The following CDKL3 variants were observed in gnomAD, a reference collection of about 807,000 sequenced individuals.
CDKL3 encodes cyclin dependent kinase like 3.
A neutral mutation model predicts 69.3 loss-of-function variants in CDKL3; 65 were observed. That is an observed-to-expected ratio of 0.94 (90% CI 0.77 to 1.15). The LOEUF is 1.15. CDKL3 is among the 50% of genes most tolerant of loss of function. The probability of loss-of-function intolerance (pLI) is 0.00; values close to 1 mark genes in which losing one functional copy is unlikely to be tolerated. For missense variants in CDKL3, 652 were observed against 689.2 expected (o/e 0.95, Z 0.61); for synonymous variants, 202 against 221.6 (o/e 0.91, Z 0.79).
intron 4 of CDKL3, among the ~76,000 whole-genome samples, chr5:134,342,615 A>G (rs1270564957): frequency 1.3e-5 from 2 of 152,078 alleles, no homozygotes; most frequent in Non-Finnish European, 2.9e-5. Context: ...AAAAAAAGAA[A>G]AAGAAAAAGA....
Position 134,312,362 on chromosome 5 carries a change from G to A in CDKL3, c.811C>T (p.Pro271Ser), listed in dbSNP as rs1193683419. Residue 271 changes from proline to serine, a missense_variant, in exon 7 of 13, where the codon CCT becomes TCT. Pro to Ser is a moderately conservative substitution (Grantham distance 74, BLOSUM62 -1). Coordinates refer to ENST00000265334, the MANE Select transcript of CDKL3 (RefSeq NM_001113575.2). The stretch of plus-strand genomic sequence containing the variant: ...TCACTAGATGATATCCTGTCAGCAG[G>A]ATCAATTTGTAAACAAGCCTAGGAA... ...DIVHACLQID[P>S]ADRISSSDLL... 4.4e-6 allele frequency: 7 copies of A among 1,592,316 alleles called. No homozygotes were observed. The highest frequency in any genetic ancestry group is 1.2e-5 in the South Asian group (1 of 86,154).
intron 4 of CDKL3, among the ~76,000 whole-genome samples, chr5:134,347,857 T>C (rs536699560): frequency 6.6e-6 from 1 of 152,178 alleles, no homozygotes; most frequent in Admixed American, 6.6e-5. Context: ...GGAGTTTATC[T>C]AGGCCTGGAA....
intron 11 of CDKL3, 38 bp from the exon 12 acceptor site, chr5:134,302,725 T>C (rs1766654333): frequency 9.4e-7 from 1 of 1,066,130 alleles, no homozygotes; most frequent in South Asian, 1.5e-5. Flanking sequence ...AAATTTGTTA[T>C]TCCTACTTTG....
chr5:134,315,418 A>G (rs535576644), intron 6 of CDKL3, among the ~76,000 whole-genome samples: 2 of 152,086 alleles, frequency 1.3e-5, no homozygotes, highest in Non-Finnish European at 2.9e-5. Flanking sequence ...TGCAGTCTCA[A>G]ATTCCTGGGT....
rs114671559 is a variant in CDKL3 at position 134,289,332 on chromosome 5, C to T, written c.*678-2773G>A. ...CTCAACAACAATCCAAGGAATCCAACAATATTGATGGCAGAATTATTATAT... is the reference window on the plus strand; with the variant it reads ...CTCAACAACAATCCAAGGAATCCAATAATATTGATGGCAGAATTATTATAT... On this transcript the variant is annotated intron_variant and NMD_transcript_variant, in intron 8 of 8. Coordinates refer to the CDKL3 transcript ENST00000519312. Among the ~76,000 whole-genome samples, 933 of 152,124 alleles carry T rather than the reference C, an allele frequency of 6.1e-3. 7 individuals are homozygous for T. Among genetic ancestry groups the T allele is most frequent in the African/African-American group, 0.021 (868 of 41,504 alleles).
chr5:134,285,220 T>TA (rs1561480316), downstream of CDKL3, among the ~76,000 whole-genome samples: 86 of 152,326 alleles, frequency 5.6e-4, no homozygotes, highest in African/African-American at 2.0e-3. Context: ...GTAGGGACTC[T>TA]GTGTGGGGGC....
Position 134,366,532 on chromosome 5 carries a change from T to TG in CDKL3, c.-10dup. 6.3e-7 allele frequency: 1 copy of TG among 1,588,908 alleles called. No homozygotes were observed. The highest frequency in any genetic ancestry group is 8.6e-7 in the Non-Finnish European group (1 of 1,168,840). On this transcript the variant is annotated 5_prime_UTR_variant, in exon 2 of 13. Transcript: ENST00000265334. The stretch of plus-strand genomic sequence containing the variant: ...GTTTCATACATCTCCATTTTCAAGC[T>TG]GGGCTTTTACTACTTTATAGAAATA...
At chr5:134,323,543 A>G (rs948565614) in intron 4 of CDKL3, among the ~76,000 whole-genome samples, 4 of 152,246 alleles carry the variant, frequency 2.6e-5, no homozygotes, top group African/African-American at 9.6e-5. Flanking sequence ...AACAGAATAA[A>G]GAACCCAGAA....
intron 11 of CDKL3, among the ~76,000 whole-genome samples, chr5:134,304,029 G>A (rs1767080970): frequency 6.6e-6 from 1 of 151,498 alleles, no homozygotes; most frequent in Non-Finnish European, 1.5e-5. Flanking sequence ...AACTTCCTGG[G>A]TCAAGCAATC....
chr5:134,291,918 T>G (rs936108461), intron 8 of CDKL3, among the ~76,000 whole-genome samples: 3 of 152,114 alleles, frequency 2.0e-5, no homozygotes, highest in African/African-American at 7.2e-5. Flanking sequence ...CAGGTAAGGG[T>G]GAATTTTATC....
At chr5:134,361,259 T>G (rs941412991) in intron 2 of CDKL3, among the ~76,000 whole-genome samples, 1 of 150,400 alleles carries the variant, frequency 6.6e-6, no homozygotes, top group Admixed American at 6.6e-5. Context: ...TTTTTTTTGT[T>G]TTTTTTTTTA....
intron 8 of CDKL3, among the ~76,000 whole-genome samples, chr5:134,293,247 C>T (rs1341683712): frequency 6.6e-6 from 1 of 151,778 alleles, no homozygotes; most frequent in East Asian, 1.9e-4. Context: ...CTCAAACTCC[C>T]AATGTCAGGT....
intron 3 of CDKL3, among the ~76,000 whole-genome samples, chr5:134,359,042 T>C (rs377517911): frequency 1.8e-4 from 28 of 151,964 alleles, no homozygotes; most frequent in African/African-American, 6.8e-4. Flanking sequence ...ATCCAGCATT[T>C]TGGGAGGCTG....
chr5:134,346,754 C>T (rs1248494017), intron 4 of CDKL3, among the ~76,000 whole-genome samples: 2 of 152,148 alleles, frequency 1.3e-5, no homozygotes, highest in Non-Finnish European at 2.9e-5. Context: ...CCTCGGCCTC[C>T]CAAAGTGCTG....
intron 4 of CDKL3, 68 bp downstream of exon 4, chr5:134,350,181 C>T (rs1023688288): frequency 7.3e-6 from 9 of 1,237,478 alleles, no homozygotes; most frequent in Admixed American, 2.7e-5. Flanking sequence ...GAGCAACACG[C>T]CATCTCAAAA....
intron 4 of CDKL3, among the ~76,000 whole-genome samples, chr5:134,322,977 C>T (rs1773185603): frequency 6.9e-6 from 1 of 144,776 alleles, no homozygotes; most frequent in Non-Finnish European, 1.5e-5. Context: ...AAAACTCAGT[C>T]TCAAAAAAAA....
chr5:134,327,788 A>C (rs1385447661), intron 4 of CDKL3, among the ~76,000 whole-genome samples: 1 of 152,234 alleles, frequency 6.6e-6, no homozygotes, highest in African/African-American at 2.4e-5. Context: ...ATAATAGAGC[A>C]CAAAGCTATC....
intron 4 of CDKL3, among the ~76,000 whole-genome samples, chr5:134,328,696 G>A (rs55900446): frequency 0.14 from 21,358 of 151,892 alleles, 1,830 homozygotes; most frequent in African/African-American, 0.23. Context: ...AGAACAATAA[G>A]CACAAAGAAA....
chr5:134,321,704 A>G (rs951467343), intron 5 of CDKL3, 87 bp downstream of exon 5: 1 of 751,862 alleles, frequency 1.3e-6, no homozygotes, highest in African/African-American at 1.8e-5. Context: ...GTACTTACAC[A>G]GAAAAGCTAA....
Sources: gnomAD v4.1 joint callset for allele counts (sites outside exome capture counted in the v4.1 genomes callset) on GRCh38, gnomAD v4.1.1 for gene constraint, MANE v1.5 for transcripts, NCBI Gene and HGNC (gene_info 2026-07-23, HGNC 2026-07-21) for gene names.